The following TNKS variants were observed in gnomAD, a reference collection of about 807,000 sequenced individuals.
The protein encoded by TNKS is poly [ADP-ribose] polymerase tankyrase-1.
In TNKS, 72 loss-of-function variants were observed where a neutral mutation model predicts 135.8. That is an observed-to-expected ratio of 0.53 (90% confidence interval 0.44 to 0.64). TNKS has a LOEUF of 0.64. TNKS is among the 30% of genes least tolerant of loss of function. The pLI is 0.00. For missense variants in TNKS, 1,769 were observed against 1,674.0 expected, an observed-to-expected ratio of 1.06 and a Z score of -0.99; for synonymous variants, 849 against 649.3, an observed-to-expected ratio of 1.31 and a Z score of -4.68.
intron 11 of TNKS, among the ~76,000 whole-genome samples, chr8:9,715,738 T>C (rs2128810913): frequency 6.6e-6 from 1 of 152,242 alleles, no homozygotes; most frequent in East Asian, 1.9e-4. Flanking sequence ...ACAAGAACAT[T>C]GGAGCATTAC....
At chr8:9,594,252 A>G (rs1346821409) in intron 2 of TNKS, among the ~76,000 whole-genome samples, 4 of 152,190 alleles carry the variant, frequency 2.6e-5, no homozygotes, top group Non-Finnish European at 5.9e-5. Context: ...TCTTAACAGC[A>G]TTATTAGAAG....
intron 1 of TNKS, chr8:9,575,050 C>T (rs1797894312): frequency 1.0e-6 from 1 of 985,222 alleles, no homozygotes; most frequent in African/African-American, 1.7e-5. Context: ...TTGCCTTTGT[C>T]TTGACAAATT....
chr8:9,735,336 T>A (rs371385501), intron 16 of TNKS, 41 bp from the exon 17 acceptor site: 1 of 1,577,028 alleles, frequency 6.3e-7, no homozygotes, highest in Non-Finnish European at 8.7e-7. Context: ...TTTTTTTCCT[T>A]TAAGCTGACA....
At chr8:9,697,784 A>G (rs1255614625) in intron 5 of TNKS, among the ~76,000 whole-genome samples, 1 of 152,238 alleles carries the variant, frequency 6.6e-6, no homozygotes, top group Non-Finnish European at 1.5e-5. Flanking sequence ...GTCAAAAGAC[A>G]ATAGATACTG....
In TNKS at chr8:9,660,252, C is replaced by T. The variant is rs1297227118; in HGVS notation, c.995-19699C>T. 3.9e-5 allele frequency among the ~76,000 whole-genome samples: 6 copies of T among 152,294 alleles called. No individual in the cohort carries two copies. In the East Asian group the frequency reaches 9.6e-4, roughly 24 times the overall value. On this transcript the variant is annotated intron_variant, in intron 3 of 26. Coordinates refer to ENST00000310430, the MANE Select transcript of TNKS (RefSeq NM_003747.3). Reference sequence around the variant, plus strand: ...ACTCATTTTATGAGGCCAGCATCATCCTGATACCAAAGCCTGGCAGAGACA... The same window carrying T: ...ACTCATTTTATGAGGCCAGCATCATTCTGATACCAAAGCCTGGCAGAGACA...
At chr8:9,681,899 C>T (rs10103762) in intron 5 of TNKS, among the ~76,000 whole-genome samples, 2 of 151,976 alleles carry the variant, frequency 1.3e-5, no homozygotes, top group African/African-American at 2.4e-5. Flanking sequence ...GCTTATATAT[C>T]GTTACATGGC....
intron 3 of TNKS, among the ~76,000 whole-genome samples, chr8:9,659,701 C>G (rs1038444858): frequency 4.6e-5 from 7 of 152,096 alleles, no homozygotes; most frequent in African/African-American, 1.7e-4. Flanking sequence ...CAAACACATT[C>G]AAAAGCTAGC....
chr8:9,638,161 G>C (rs1441691155), intron 3 of TNKS, among the ~76,000 whole-genome samples: 1 of 152,230 alleles, frequency 6.6e-6, no homozygotes, highest in East Asian at 1.9e-4. Flanking sequence ...TCTTTGTAGA[G>C]CTAGGGTCTT....
chr8:9,589,142 G>T (rs761248335), intron 2 of TNKS, among the ~76,000 whole-genome samples: 8 of 152,200 alleles, frequency 5.3e-5, no homozygotes, highest in African/African-American at 1.9e-4. Flanking sequence ...ATTTTGCTCA[G>T]TGAGAAGCCT....
intron 1 of TNKS, among the ~76,000 whole-genome samples, chr8:9,578,104 G>T (rs1320862288): frequency 1.3e-5 from 2 of 152,198 alleles, no homozygotes; most frequent in African/African-American, 4.8e-5. Context: ...GGCTCCCAAG[G>T]CCTTGGGCGG....
chr8:9,610,668 A>G (rs368926424), intron 2 of TNKS, among the ~76,000 whole-genome samples: 25 of 152,188 alleles, frequency 1.6e-4, no homozygotes, highest in African/African-American at 5.5e-4. Context: ...TAATAAATGT[A>G]TATCTCTTTA....
intron 13 of TNKS, among the ~76,000 whole-genome samples, chr8:9,728,789 G>A (rs1310716012): frequency 6.6e-6 from 1 of 152,054 alleles, no homozygotes; most frequent in African/African-American, 2.4e-5. Flanking sequence ...TTTAGAGGCT[G>A]GTGCATTTCC....
chr8:9,761,437 C>A, intron 20 of TNKS, 79 bp from the exon 21 acceptor site: 1 of 1,424,204 alleles, frequency 7.0e-7, no homozygotes, highest in East Asian at 2.3e-5. Context: ...GTACTCGTAG[C>A]ATTGAAGGCA....
At chr8:9,718,600 T>A (rs1337926646) in intron 11 of TNKS, among the ~76,000 whole-genome samples, 4 of 152,196 alleles carry the variant, frequency 2.6e-5, no homozygotes, top group Non-Finnish European at 5.9e-5. Flanking sequence ...GTTATTCATC[T>A]TCTGTAAAGT....
intron 18 of TNKS, among the ~76,000 whole-genome samples, chr8:9,749,786 G>A (rs895010098): frequency 1.3e-5 from 2 of 152,094 alleles, no homozygotes; most frequent in African/African-American, 4.8e-5. Context: ...CATAGCCTCT[G>A]TAGCTCTTGG....
intron 5 of TNKS, among the ~76,000 whole-genome samples, chr8:9,688,115 A>T (rs1042939161): frequency 6.6e-6 from 1 of 152,308 alleles, no homozygotes; most frequent in Admixed American, 6.5e-5. Context: ...TATAACTTAC[A>T]TGTTTCTATG....
At chr8:9,610,875 G>T (rs180920217) in intron 2 of TNKS, among the ~76,000 whole-genome samples, 7 of 152,264 alleles carry the variant, frequency 4.6e-5, no homozygotes, top group Non-Finnish European at 8.8e-5. Context: ...AATTTTCTAG[G>T]AATTTAACAG....
intron 3 of TNKS, among the ~76,000 whole-genome samples, chr8:9,674,957 A>G (rs1802474164): frequency 6.6e-6 from 1 of 152,208 alleles, no homozygotes; most frequent in African/African-American, 2.4e-5. Flanking sequence ...AAAAAGTACA[A>G]AGAAGGCATT....
intron 2 of TNKS, among the ~76,000 whole-genome samples, chr8:9,591,660 TC>T (rs1798595225): frequency 1.3e-5 from 2 of 152,184 alleles, no homozygotes; most frequent in South Asian, 4.1e-4. Context: ...TAACAATGGG[TC>T]TTAGTTGGAT....
Sources: gnomAD v4.1 joint callset for allele counts (sites outside exome capture counted in the v4.1 genomes callset) on GRCh38, gnomAD v4.1.1 for gene constraint, MANE v1.5 for transcripts, NCBI Gene and HGNC (gene_info 2026-07-23, HGNC 2026-07-21) for gene names.